ADAM29: variants seen among roughly 807,000 people sequenced by gnomAD.
ADAM29 encodes the protein disintegrin and metalloproteinase domain-containing protein 29.
For missense variants in ADAM29, 969 were observed against 1,001.8 expected (o/e 0.97, Z 0.44); for synonymous variants, 367 against 342.3 (o/e 1.07, Z -0.80).
At chr4:174,931,348 T>C (rs953749228) in intron 3 of ADAM29, 174 bp downstream of exon 3, 1 of 152,194 alleles carries the variant, frequency 6.6e-6, no homozygotes, top group Non-Finnish European at 1.5e-5. Flanking sequence ...TTGAACTAGG[T>C]CTTATCATAT....
chr4:174,920,269 C>A (rs1172826333), intron 1 of ADAM29, among the ~76,000 whole-genome samples: 1 of 152,122 alleles, frequency 6.6e-6, no homozygotes, highest in South Asian at 2.1e-4. Flanking sequence ...TTACTTTCTA[C>A]CTTAAACTTA....
rs979706567 is a variant in ADAM29 at position 174,942,780 on chromosome 4, T to C, written c.-181+5767T>C. Among the ~76,000 whole-genome samples the C allele has an allele frequency of 2.6e-4, 39 of 152,332 alleles. 1 individual carries two copies. Among genetic ancestry groups the C allele is most frequent in the Admixed American group, 2.4e-3 (37 of 15,302 alleles). ...TCTTTGCTTATGCAAATTTCTGCAG[T>C]GAGTGGCTTGAATTTCTCCCCAGAA... On this transcript the variant is annotated intron_variant, in intron 4 of 4. Coordinates refer to ENST00000359240, the MANE Select transcript of ADAM29 (RefSeq NM_014269.4).
intron 4 of ADAM29, among the ~76,000 whole-genome samples, chr4:174,954,003 T>A (rs369320161): frequency 1.3e-5 from 2 of 152,294 alleles, no homozygotes; most frequent in Non-Finnish European, 2.9e-5. Context: ...TGAGCCGCCA[T>A]GCCTGGCCCC....
chr4:174,944,891 A>C (rs945426142), intron 4 of ADAM29, among the ~76,000 whole-genome samples: 32 of 152,160 alleles, frequency 2.1e-4, no homozygotes, highest in African/African-American at 7.7e-4. Context: ...ATAGTATTCC[A>C]TGGTGTATAT....
chr4:174,937,365 TA>T (rs1179456798), intron 4 of ADAM29, among the ~76,000 whole-genome samples: 2 of 152,086 alleles, frequency 1.3e-5, no homozygotes, highest in Non-Finnish European at 2.9e-5. Context: ...ATTCTATTTT[TA>T]AAAATCATAT....
chr4:174,954,311 G>A (rs529108971), intron 4 of ADAM29, among the ~76,000 whole-genome samples: 118 of 152,052 alleles, frequency 7.8e-4, no homozygotes, highest in African/African-American at 2.7e-3. Flanking sequence ...TTTTGAAGAT[G>A]CCAAATAATT....
At chr4:174,972,234 T>C (rs1746519443) in intron 4 of ADAM29, among the ~76,000 whole-genome samples, 1 of 152,210 alleles carries the variant, frequency 6.6e-6, no homozygotes, top group South Asian at 2.1e-4. Context: ...TTTGCCTGTT[T>C]CTACGTTTTC....
intron 4 of ADAM29, among the ~76,000 whole-genome samples, chr4:174,968,347 A>G (rs577679147): frequency 6.6e-6 from 1 of 152,246 alleles, no homozygotes; most frequent in African/African-American, 2.4e-5. Context: ...ACATCGGGGA[A>G]GGATTAAGGC....
At chr4:174,963,142 G>A (rs1745945965) in intron 4 of ADAM29, among the ~76,000 whole-genome samples, 1 of 151,606 alleles carries the variant, frequency 6.6e-6, no homozygotes, top group Non-Finnish European at 1.5e-5. Context: ...CACATAATAA[G>A]GAAAAAAAAT....
At chr4:174,958,893 AAC>A (rs1487423413) in intron 4 of ADAM29, among the ~76,000 whole-genome samples, 3 of 151,974 alleles carry the variant, frequency 2.0e-5, no homozygotes, top group African/African-American at 4.8e-5. Flanking sequence ...GGTACCTTGT[AAC>A]ACAGTGTTCC....
chr4:174,968,768 C>T (rs1342961063), intron 4 of ADAM29, among the ~76,000 whole-genome samples: 2 of 101,040 alleles, frequency 2.0e-5, no homozygotes. Flanking sequence ...TGCCACTTTC[C>T]GCCCACACAC....
chr4:174,930,130 A>G (rs1243258685), intron 2 of ADAM29, among the ~76,000 whole-genome samples: 1 of 151,954 alleles, frequency 6.6e-6, no homozygotes, highest in Non-Finnish European at 1.5e-5. Flanking sequence ...GGGTTTCACC[A>G]TGTTAGCCAG....
chr4:174,926,553 TAGG>T (rs1396474403), intron 2 of ADAM29, among the ~76,000 whole-genome samples: 1 of 151,930 alleles, frequency 6.6e-6, no homozygotes, highest in African/African-American at 2.4e-5. Flanking sequence ...TGCTTGAGGC[TAGG>T]AGTTCGAGAC....
At chr4:174,933,543 A>G (rs1304826530) in intron 3 of ADAM29, among the ~76,000 whole-genome samples, 1 of 152,128 alleles carries the variant, frequency 6.6e-6, no homozygotes, top group Non-Finnish European at 1.5e-5. Flanking sequence ...CATATGTCAC[A>G]GGAGTTTGTT....
At chr4:174,943,448 C>T (rs557977812) in intron 4 of ADAM29, among the ~76,000 whole-genome samples, 1 of 152,266 alleles carries the variant, frequency 6.6e-6, no homozygotes, top group Admixed American at 6.5e-5. Context: ...GCTTTGGAGG[C>T]TTCAGGAAAA....
At chr4:174,942,357 C>T (rs1436310862) in intron 4 of ADAM29, among the ~76,000 whole-genome samples, 1 of 152,216 alleles carries the variant, frequency 6.6e-6, no homozygotes, top group African/African-American at 2.4e-5. Context: ...GTTCTCCATG[C>T]AGGCTTCACT....
chr4:174,972,753 C>G (rs1452412366), intron 4 of ADAM29, among the ~76,000 whole-genome samples: 2 of 152,132 alleles, frequency 1.3e-5, no homozygotes, highest in African/African-American at 2.4e-5. Flanking sequence ...AGCTCTAAGA[C>G]TGGTCAGTAA....
intron 2 of ADAM29, among the ~76,000 whole-genome samples, chr4:174,922,970 C>T (rs1331957297): frequency 2.6e-5 from 4 of 152,010 alleles, no homozygotes; most frequent in Admixed American, 2.0e-4. Flanking sequence ...GACACGAAAC[C>T]AAAACCAAGG....
intron 2 of ADAM29, among the ~76,000 whole-genome samples, chr4:174,927,224 A>C (rs1743571808): frequency 6.6e-6 from 1 of 152,142 alleles, no homozygotes; most frequent in Non-Finnish European, 1.5e-5. Context: ...CAAACCAGCC[A>C]CTCTACTTTT....
Sources: gnomAD v4.1 joint callset for allele counts (sites outside exome capture counted in the v4.1 genomes callset) on GRCh38, gnomAD v4.1.1 for gene constraint, MANE v1.5 for transcripts, NCBI Gene and HGNC (gene_info 2026-07-23, HGNC 2026-07-21) for gene names.